The following CUBN variants were observed in gnomAD, a reference collection of about 807,000 sequenced individuals.
CUBN encodes cubilin.
Under a neutral mutation model 405.3 loss-of-function variants are expected in CUBN, and 282 were observed. That is an observed-to-expected ratio of 0.70 (90% CI 0.63 to 0.77). The LOEUF (loss-of-function observed/expected upper bound fraction) is 0.77, where lower values mean the gene tolerates loss of function less well. Ranked by LOEUF, CUBN falls within the 30% of genes least tolerant of loss-of-function variation. The pLI is 0.00. For missense variants in CUBN, 4,514 were observed against 4,475.2 expected (o/e 1.01, Z -0.25); for synonymous variants, 1,684 against 1,617.0 (o/e 1.04, Z -0.99).
At position 17,024,435 on chromosome 10, in the gene CUBN, A is replaced by C. The variant is rs545694277; in HGVS notation, c.4018-4452T>G. On this transcript the variant is annotated intron_variant, in intron 27 of 66. Coordinates refer to ENST00000377833, the MANE Select transcript of CUBN (RefSeq NM_001081.4). ...TCATGGCTAAAAATTTAAAACTGTA[A>C]TAAATTAAAATTACAAGTAATTATC... Among the ~76,000 whole-genome samples, 314 of 152,308 alleles carry C rather than the reference A, an allele frequency of 2.1e-3. 1 individual carries two copies. Among genetic ancestry groups the C allele is most frequent in the African/African-American group, 7.1e-3 (295 of 41,564 alleles).
Position 16,890,900 on chromosome 10 carries a change from G to A in CUBN, c.8599-373C>T, listed in dbSNP as rs375818186. ...CAGGTGGAACTCAGCCCTGCTCCTG[G>A]GAAGATAGCAGATTGTGGTCACAGC... On this transcript the variant is annotated intron_variant, in intron 54 of 66. Transcript: ENST00000377833. 3.9e-5 allele frequency among the ~76,000 whole-genome samples: 6 copies of A among 152,284 alleles called. No individual in the cohort carries two copies. The East Asian group carries it at 9.7e-4, about 25-fold the overall frequency.
chr10:16,898,066 GTATATATATATATATA>G (rs10551726), intron 54 of CUBN, among the ~76,000 whole-genome samples: 1 of 145,032 alleles, frequency 6.9e-6, no homozygotes, highest in African/African-American at 2.5e-5. Flanking sequence ...TTTATTATAT[GTATATATATATATATA>G]TATATGTTAT....
chr10:16,940,355 C>A, intron 36 of CUBN, 118 bp from the exon 37 acceptor site: 1 of 986,404 alleles, frequency 1.0e-6, no homozygotes, highest in Non-Finnish European at 1.6e-6. Context: ...TAACTTTGAT[C>A]ACAACATTAT....
rs540183039 is a variant in CUBN at position 16,857,742 on chromosome 10, G to A, written c.9455-6299C>T. On this transcript the variant is annotated intron_variant, in intron 59 of 66. Transcript: ENST00000377833. ...CATAATTAATGGTGAAATACTAAAC[G>A]CTTTCTCCCTAAGATCAGGAACAAG... Among the ~76,000 whole-genome samples, 18 of 152,166 alleles carry A rather than the reference G, an allele frequency of 1.2e-4. No individual in the cohort carries two copies. In the South Asian group the frequency reaches 3.3e-3, roughly 28 times the overall value.
intron 31 of CUBN, among the ~76,000 whole-genome samples, chr10:16,972,701 C>G (rs1832970681): frequency 6.6e-6 from 1 of 152,110 alleles, no homozygotes; most frequent in African/African-American, 2.4e-5. Flanking sequence ...GCTGGAATTA[C>G]AGGTATGAGC....
At position 17,008,512 on chromosome 10, in the gene CUBN, G is replaced by A. The variant is rs147209970; in HGVS notation, c.4168+11321C>T. Among the ~76,000 whole-genome samples the A allele has an allele frequency of 1.4e-3, 205 of 151,346 alleles. 1 individual carries two copies. The highest frequency in any genetic ancestry group is 4.6e-3 in the African/African-American group (192 of 41,320). The stretch of plus-strand genomic sequence containing the variant: ...TTAGCTCTGCAGCCACCTTGGCAGC[G>A]CTGTTTCTCTTCGACTCAGTTCCAT... On this transcript the variant is annotated intron_variant, in intron 28 of 66. Coordinates refer to ENST00000377833, the MANE Select transcript of CUBN (RefSeq NM_001081.4).
At chr10:16,890,164 G>T (rs1840961078) in intron 55 of CUBN, among the ~76,000 whole-genome samples, 1 of 152,024 alleles carries the variant, frequency 6.6e-6, no homozygotes, top group Non-Finnish European at 1.5e-5. Context: ...GTTGGTTAGT[G>T]CCCCTCATGG....
intron 6 of CUBN, among the ~76,000 whole-genome samples, chr10:17,121,611 G>T (rs1362588542): frequency 6.6e-6 from 1 of 151,436 alleles, no homozygotes; most frequent in Non-Finnish European, 1.5e-5. Flanking sequence ...ACGAGTTAAT[G>T]GATGCAGCAC....
chr10:17,022,006 T>C (rs1023352666), intron 27 of CUBN, among the ~76,000 whole-genome samples: 1 of 152,262 alleles, frequency 6.6e-6, no homozygotes, highest in Non-Finnish European at 1.5e-5. Flanking sequence ...CCGCCAGCTG[T>C]ATTTATTTTA....
At chr10:16,902,389 A>G (rs1054339799) in intron 51 of CUBN, among the ~76,000 whole-genome samples, 2 of 148,278 alleles carry the variant, frequency 1.3e-5, no homozygotes, top group Non-Finnish European at 3.0e-5. Flanking sequence ...AATAAATGAA[A>G]TTAAATAGAA....
chr10:17,119,520 T>C (rs1011667188), intron 6 of CUBN, among the ~76,000 whole-genome samples: 7 of 151,882 alleles, frequency 4.6e-5, no homozygotes, highest in Admixed American at 6.6e-5. Context: ...ATTAGCCGGG[T>C]ATGGTGTCAG....
intron 12 of CUBN, among the ~76,000 whole-genome samples, 175 bp from the exon 13 acceptor site, chr10:17,103,412 C>T (rs895588848): frequency 2.0e-5 from 3 of 152,170 alleles, no homozygotes; most frequent in African/African-American, 4.8e-5. Flanking sequence ...CATAGAAATC[C>T]CACCTCTTGT....
chr10:17,024,156 G>A lies in CUBN; in HGVS notation c.4018-4173C>T, dbSNP rs558298703. ...CTCCAGTTGCAATAGGAAGTGATCC[G>A]TGGACTTCTAAATAGGAAGGACCCA... On this transcript the variant is annotated intron_variant, in intron 27 of 66. Transcript: ENST00000377833. 2.6e-5 allele frequency among the ~76,000 whole-genome samples: 4 copies of A among 152,238 alleles called. No homozygotes were observed. The East Asian group carries it at 5.8e-4, about 22-fold the overall frequency.
intron 14 of CUBN, among the ~76,000 whole-genome samples, chr10:17,097,155 T>G (rs75877039): frequency 6.6e-6 from 1 of 151,964 alleles, no homozygotes; most frequent in Non-Finnish European, 1.5e-5. Flanking sequence ...GAGCCAATAG[T>G]TGGAATTTTG....
At position 17,067,903 on chromosome 10, in the gene CUBN, CA is replaced by C. The variant is rs5783531; in HGVS notation, c.3008+160del. Among the ~76,000 whole-genome samples the C allele has an allele frequency of 0.86, 131,446 of 152,052 alleles. 57,103 individuals are homozygous for C. The highest frequency in any genetic ancestry group is 0.94 in the East Asian group (4,887 of 5,174). On this transcript the variant is annotated intron_variant, in intron 21 of 66. Coordinates refer to ENST00000377833, the MANE Select transcript of CUBN (RefSeq NM_001081.4). ...TACAGATGTCAAAACTTAATGCCTACAAGGCCACAACTACAGAGTAGTTATG... is the reference window on the plus strand; with the variant it reads ...TACAGATGTCAAAACTTAATGCCTACAGGCCACAACTACAGAGTAGTTATG...
chr10:16,840,682 C>T (rs1839320079), intron 61 of CUBN, 147 bp from the exon 62 acceptor site: 3 of 887,288 alleles, frequency 3.4e-6, no homozygotes, highest in South Asian at 1.4e-5. Flanking sequence ...ATATCCTTGA[C>T]TAAAGATTGT....
intron 6 of CUBN, 113 bp downstream of exon 6, chr10:17,122,682 A>C (rs1837070967): frequency 1.4e-6 from 1 of 716,876 alleles, no homozygotes. Flanking sequence ...TTCCTCATGG[A>C]GTACCAACTT....
At chr10:16,837,744 T>C (rs1588573080) in intron 62 of CUBN, among the ~76,000 whole-genome samples, 1 of 152,118 alleles carries the variant, frequency 6.6e-6, no homozygotes, top group East Asian at 1.9e-4. Flanking sequence ...TCCCAGTTTC[T>C]CCCAGCTCAT....
At chr10:16,864,838 C>G (rs1358219384) in intron 59 of CUBN, among the ~76,000 whole-genome samples, 1 of 149,006 alleles carries the variant, frequency 6.7e-6, no homozygotes, top group Admixed American at 6.7e-5. Context: ...TTAGTAGAGA[C>G]AGGGTTTCTC....
Sources: allele counts gnomAD v4.1 joint callset (sites outside exome capture counted in the v4.1 genomes callset), GRCh38; gene constraint gnomAD v4.1.1; transcripts MANE v1.5; gene names NCBI Gene and HGNC (gene_info 2026-07-23, HGNC 2026-07-21).